ARHGEF10L: variants seen among roughly 807,000 people sequenced by gnomAD.
The protein encoded by ARHGEF10L is rho guanine nucleotide exchange factor 10-like protein.
ARHGEF10L carries 69 observed loss-of-function variants against 141.2 expected under a neutral mutation model. That is an observed-to-expected ratio of 0.49 (90% confidence interval 0.40 to 0.60). ARHGEF10L has a LOEUF of 0.60. ARHGEF10L is among the 20% of genes least tolerant of loss of function. The probability of loss-of-function intolerance (pLI) is 0.00; values close to 1 mark genes in which losing one functional copy is unlikely to be tolerated. For synonymous variants in ARHGEF10L, 711 were observed against 718.5 expected (o/e 0.99, Z 0.17); for missense variants, 1,482 against 1,734.3 (o/e 0.85, Z 2.58).
the ARHGEF10L span, among the ~76,000 whole-genome samples, chr1:17,521,841 AG>A: frequency 6.6e-6 from 1 of 151,960 alleles, no homozygotes; most frequent in African/African-American, 2.4e-5. Flanking sequence ...GGTGAAGCTG[AG>A]GTTGGAAGGG....
intron 11 of ARHGEF10L, 112 bp downstream of exon 11, chr1:17,622,053 C>A: frequency 2.9e-6 from 3 of 1,051,768 alleles, no homozygotes; most frequent in Non-Finnish European, 2.9e-6. Flanking sequence ...GGGACAGGAC[C>A]ATAAGCCAGC....
At chr1:17,620,429 G>A (rs961570656) in intron 10 of ARHGEF10L, among the ~76,000 whole-genome samples, 5 of 152,198 alleles carry the variant, frequency 3.3e-5, no homozygotes, top group South Asian at 2.1e-4. Flanking sequence ...AACATCCTAC[G>A]AGGCACGGGA....
At chr1:17,672,190 AC>A (rs1244447152) in intron 26 of ARHGEF10L, among the ~76,000 whole-genome samples, 1 of 27,490 alleles carries the variant, frequency 3.6e-5, no homozygotes, top group Non-Finnish European at 7.7e-5. Context: ...TCCCCTGCCC[AC>A]CCCCCGCCCC....
intron 1 of ARHGEF10L, among the ~76,000 whole-genome samples, chr1:17,579,820 G>C (rs150188763): frequency 3.3e-4 from 50 of 152,324 alleles, no homozygotes; most frequent in Admixed American, 9.1e-4. Context: ...CGGGGGCAGG[G>C]TTGGCTCCAG....
At chr1:17,555,925 G>T (rs1242479849) in intron 1 of ARHGEF10L, among the ~76,000 whole-genome samples, 1 of 152,056 alleles carries the variant, frequency 6.6e-6, no homozygotes, top group Non-Finnish European at 1.5e-5. Context: ...GATGTCTTGG[G>T]CAGCAGCAGC....
chr1:17,578,175 T>C (rs2078298925), intron 1 of ARHGEF10L, among the ~76,000 whole-genome samples: 1 of 152,208 alleles, frequency 6.6e-6, no homozygotes, highest in Non-Finnish European at 1.5e-5. Context: ...CCTGGAACTC[T>C]TGGGGCAGCA....
At chr1:17,647,867 T>C (rs1419875636) in intron 21 of ARHGEF10L, among the ~76,000 whole-genome samples, 1 of 152,070 alleles carries the variant, frequency 6.6e-6, no homozygotes, top group Non-Finnish European at 1.5e-5. Context: ...TAGCAGATGC[T>C]CTTTAGCATG....
At chr1:17,569,279 C>A (rs913360640) in intron 1 of ARHGEF10L, among the ~76,000 whole-genome samples, 4 of 152,208 alleles carry the variant, frequency 2.6e-5, no homozygotes, top group Non-Finnish European at 4.4e-5. Flanking sequence ...GCTGGAACTG[C>A]ACTCACACCC....
the ARHGEF10L span, among the ~76,000 whole-genome samples, chr1:17,531,047 G>A: frequency 6.6e-6 from 1 of 152,000 alleles, no homozygotes; most frequent in African/African-American, 2.4e-5. Flanking sequence ...AAAAAAGAAG[G>A]CAGCCATCCT....
chr1:17,668,983 C>T (rs983655178), intron 26 of ARHGEF10L, among the ~76,000 whole-genome samples: 2 of 152,094 alleles, frequency 1.3e-5, no homozygotes, highest in South Asian at 2.1e-4. Context: ...CTGGGGGAGC[C>T]GCCTGGAGCC....
In ARHGEF10L at chr1:17,601,012, C is replaced by T. The variant is rs1209371484; in HGVS notation, c.258-1115C>T. Among the ~76,000 whole-genome samples, 6 of 148,356 alleles carry T rather than the reference C, an allele frequency of 4.0e-5. No individual in the cohort carries two copies. In the East Asian group the frequency reaches 5.9e-4, roughly 15 times the overall value. ...TTGCAGTGAGCCGAGATCGCACCACCGCCCTGAAGCCTGGGCGACAGAGCG... is the reference window on the plus strand; with the variant it reads ...TTGCAGTGAGCCGAGATCGCACCACTGCCCTGAAGCCTGGGCGACAGAGCG... On this transcript the variant is annotated intron_variant, in intron 4 of 28. Transcript: ENST00000361221.
intron 26 of ARHGEF10L, among the ~76,000 whole-genome samples, chr1:17,687,194 C>T (rs2064675620): frequency 6.6e-6 from 1 of 152,190 alleles, no homozygotes; most frequent in Admixed American, 6.5e-5. Flanking sequence ...TAAGGTAAAG[C>T]TCTGAGGGGC....
rs981055264 is a variant in ARHGEF10L, at chr1:17,686,106, C to CTTT, written c.3010-1459_3010-1457dup. Among the ~76,000 whole-genome samples the CTTT allele has an allele frequency of 4.8e-3, 475 of 99,360 alleles. 2 individuals carry two copies. The highest frequency in any genetic ancestry group is 6.2e-3 in the Non-Finnish European group (288 of 46,780). 65.2% of individuals were successfully genotyped at this position (99,360 alleles called of 152,430 possible). Reference sequence around the variant, plus strand: ...TCTTTCTTTCTTTCTTTCTTTCTTTCTTTTTTTTTTGCATTTTCTGTAGCA... The same window carrying CTTT: ...TCTTTCTTTCTTTCTTTCTTTCTTTCTTTTTTTTTTTTTGCATTTTCTGTAGCA... On this transcript the variant is annotated intron_variant, in intron 26 of 28. Transcript: ENST00000361221.
At chr1:17,634,766 T>G in intron 17 of ARHGEF10L, 69 bp from the exon 18 acceptor site, 1 of 1,506,924 alleles carries the variant, frequency 6.6e-7, no homozygotes, top group Non-Finnish European at 8.9e-7. Flanking sequence ...GGAGGAGCAA[T>G]GCCCTGGGCC....
chr1:17,614,323 T>G (rs10888045), intron 8 of ARHGEF10L, among the ~76,000 whole-genome samples: 31,226 of 152,056 alleles, frequency 0.21, 4,102 homozygotes, highest in African/African-American at 0.37. Flanking sequence ...CTTAGAGAGG[T>G]GCCCAGAGCT....
chr1:17,576,549 G>T (rs1158959235), intron 1 of ARHGEF10L, among the ~76,000 whole-genome samples: 1 of 152,116 alleles, frequency 6.6e-6, no homozygotes, highest in African/African-American at 2.4e-5. Flanking sequence ...CTTGGGTTTG[G>T]TGGTCATTGT....
the ARHGEF10L span, among the ~76,000 whole-genome samples, chr1:17,533,331 ATTATC>A: frequency 2.6e-5 from 4 of 152,170 alleles, no homozygotes; most frequent in African/African-American, 7.2e-5. Flanking sequence ...ATTTGCTATT[ATTATC>A]TTATCATTAT....
intron 15 of ARHGEF10L, among the ~76,000 whole-genome samples, chr1:17,630,526 A>G (rs2060621158): frequency 1.3e-5 from 2 of 152,210 alleles, no homozygotes; most frequent in African/African-American, 4.8e-5. Flanking sequence ...GGGGACCCCA[A>G]GTCCTCCTGC....
intron 2 of ARHGEF10L, among the ~76,000 whole-genome samples, chr1:17,584,879 A>C (rs74059331): frequency 1.4e-4 from 20 of 141,138 alleles, no homozygotes; most frequent in South Asian, 2.1e-4. Flanking sequence ...ACACACACAC[A>C]CCCCTACCCA....
Sources: gnomAD v4.1 joint callset for allele counts (sites outside exome capture counted in the v4.1 genomes callset) on GRCh38, gnomAD v4.1.1 for gene constraint, MANE v1.5 for transcripts, NCBI Gene and HGNC (gene_info 2026-07-23, HGNC 2026-07-21) for gene names.